Variants in GCA observed in about 807,000 individuals in gnomAD.
GCA encodes grancalcin, also known as grancalcin, EF-hand calcium-binding protein.
GCA carries 30 observed loss-of-function variants against 32.6 expected under a neutral mutation model. That is an observed-to-expected ratio of 0.92 (90% CI 0.69 to 1.25). The LOEUF (loss-of-function observed/expected upper bound fraction) is 1.25. GCA is among the 50% of genes most tolerant of loss of function. The pLI is 0.00. For synonymous variants in GCA, 102 were observed against 84.6 expected (o/e 1.21, Z -1.13); for missense variants, 291 against 266.8 (o/e 1.09, Z -0.63).
At chr2:162,326,161 A>G (rs1683868620) in intron 1 of GCA, among the ~76,000 whole-genome samples, 1 of 152,170 alleles carries the variant, frequency 6.6e-6, no homozygotes, top group African/African-American at 2.4e-5. Flanking sequence ...GAAGGGTTGG[A>G]TCAATCCTAC....
intron 1 of GCA, among the ~76,000 whole-genome samples, chr2:162,327,301 A>G (rs1576256811): frequency 6.6e-6 from 1 of 152,152 alleles, no homozygotes. Flanking sequence ...ATTTGCAGTT[A>G]TCAGCCAGCA....
At chr2:162,369,192 AG>A (rs1353813744) in intron 4 of GCA, among the ~76,000 whole-genome samples, 1 of 152,008 alleles carries the variant, frequency 6.6e-6, no homozygotes, top group African/African-American at 2.4e-5. Flanking sequence ...AATAGCCAAC[AG>A]GGGGGATGAT....
chr2:162,352,512 A>C, intron 3 of GCA, 105 bp downstream of exon 3: 1 of 719,484 alleles, frequency 1.4e-6, no homozygotes, highest in Non-Finnish European at 2.5e-6. Flanking sequence ...ACAGTTATAC[A>C]TGCACATAGT....
chr2:162,359,682 T>G (rs1685473963), intron 7 of GCA, 130 bp downstream of exon 7: 1 of 450,482 alleles, frequency 2.2e-6, no homozygotes, highest in South Asian at 5.4e-5. Context: ...TCCATATTTT[T>G]CAGTGTAACA....
chr2:162,374,715 T>G (rs1196359406), downstream of GCA, among the ~76,000 whole-genome samples: 1 of 149,400 alleles, frequency 6.7e-6, no homozygotes, highest in Non-Finnish European at 1.5e-5. Context: ...AATATCTTCT[T>G]TTTTTTTTAG....
At chr2:162,327,441 C>T (rs1683926019) in intron 1 of GCA, among the ~76,000 whole-genome samples, 1 of 152,176 alleles carries the variant, frequency 6.6e-6, no homozygotes, top group Admixed American at 6.5e-5. Flanking sequence ...AAGAACCTCT[C>T]ACTTAGTGCA....
At chr2:162,368,921 A>G (rs1012666849) in intron 4 of GCA, among the ~76,000 whole-genome samples, 7 of 152,094 alleles carry the variant, frequency 4.6e-5, no homozygotes, top group Non-Finnish European at 1.0e-4. Context: ...GGAGAATGAT[A>G]AGTCTGTTTC....
chr2:162,356,179 G>A (rs1016030256), intron 3 of GCA, among the ~76,000 whole-genome samples: 2 of 151,994 alleles, frequency 1.3e-5, no homozygotes, highest in African/African-American at 2.4e-5. Context: ...TACCTGGAAT[G>A]TCTTTGTCAC....
intron 1 of GCA, among the ~76,000 whole-genome samples, chr2:162,345,131 G>GGTT (rs1553464762): frequency 7.0e-4 from 101 of 144,226 alleles, no homozygotes; most frequent in African/African-American, 2.3e-3. Context: ...TGGTGGTGGT[G>GGTT]GTGGTTGTGG....
rs1172266904 is a variant in GCA at position 162,347,559 on chromosome 2, T to C, written c.28-19T>C. The C allele has an allele frequency of 2.0e-6, 3 of 1,520,858 alleles. No homozygotes were observed. The highest frequency in any genetic ancestry group is 2.7e-6 in the Non-Finnish European group (3 of 1,114,978). The allele number at this position is 1,520,858 out of a possible 1,614,324, so 94.2% of individuals were successfully genotyped here. A position where few individuals can be genotyped will look rare whatever the true frequency, so the allele number is the denominator to read the frequency against. On this transcript the variant is annotated intron_variant, in intron 1 of 7. Transcript: ENST00000437150. The stretch of plus-strand genomic sequence containing the variant: ...GGTAGTATTTATATTACTAACCTTC[T>C]CCCCTTTCACTATTATAGTTTGGAA...
upstream of GCA, among the ~76,000 whole-genome samples, chr2:162,339,377 G>A: frequency 6.6e-6 from 1 of 151,970 alleles, no homozygotes; most frequent in East Asian, 1.9e-4. Context: ...CTATGTTAAG[G>A]AATATTGGAA....
chr2:162,327,173 T>C (rs1226008638), intron 1 of GCA, among the ~76,000 whole-genome samples: 1 of 152,210 alleles, frequency 6.6e-6, no homozygotes, highest in Non-Finnish European at 1.5e-5. Context: ...TTTGGATTCC[T>C]TAGGCCCAGT....
chr2:162,331,657 A>G (rs960217004), intron 1 of GCA, among the ~76,000 whole-genome samples: 2 of 152,174 alleles, frequency 1.3e-5, no homozygotes, highest in South Asian at 2.1e-4. Flanking sequence ...TGCTGAACCT[A>G]TCTGTACCCT....
chr2:162,364,269 G>C (rs1685682647), downstream of GCA, among the ~76,000 whole-genome samples: 3 of 151,392 alleles, frequency 2.0e-5, no homozygotes, highest in African/African-American at 7.3e-5. Context: ...AACCTGAAGA[G>C]TGCTAGTATG....
At chr2:162,366,931 CAG>C (rs113673774), downstream of GCA, among the ~76,000 whole-genome samples, 2,856 of 151,896 alleles carry the variant, frequency 0.019, 78 homozygotes, top group African/African-American at 0.059. Context: ...GAAAGAGCAA[CAG>C]AAAGTGTTTT....
At chr2:162,322,047 A>G (rs1272046022) in intron 1 of GCA, among the ~76,000 whole-genome samples, 1 of 150,146 alleles carries the variant, frequency 6.7e-6, no homozygotes, top group Non-Finnish European at 1.5e-5. Context: ...AAGTTTATTA[A>G]AAGGATACTG....
chr2:162,323,782 A>G (rs1683772720), intron 1 of GCA, among the ~76,000 whole-genome samples: 1 of 151,846 alleles, frequency 6.6e-6, no homozygotes, highest in Non-Finnish European at 1.5e-5. Context: ...CTGTTTTGGT[A>G]CCAGTACCAT....
chr2:162,357,438 A>G (rs1685336645), intron 5 of GCA, among the ~76,000 whole-genome samples: 1 of 151,848 alleles, frequency 6.6e-6, no homozygotes, highest in Non-Finnish European at 1.5e-5. Flanking sequence ...TACTTTTAAA[A>G]TGGATAACAT....
chr2:162,357,133 A>G (rs1362514177), intron 5 of GCA, among the ~76,000 whole-genome samples: 1 of 151,778 alleles, frequency 6.6e-6, no homozygotes. Flanking sequence ...ATACATTCTG[A>G]ATTTCTTCTG....
Sources: allele counts gnomAD v4.1 joint callset (sites outside exome capture counted in the v4.1 genomes callset), GRCh38; gene constraint gnomAD v4.1.1; transcripts MANE v1.5; gene names NCBI Gene and HGNC (gene_info 2026-07-23, HGNC 2026-07-21).